DOCK8: variants seen among roughly 807,000 people sequenced by gnomAD.
DOCK8 encodes the protein dedicator of cytokinesis protein 8.
A neutral mutation model predicts 245.6 loss-of-function variants in DOCK8; 141 were observed. The ratio of observed to expected loss-of-function variants is 0.57; its 90% confidence interval spans 0.50 to 0.66. The LOEUF (loss-of-function observed/expected upper bound fraction) is 0.66, where lower values mean the gene tolerates loss of function less well. DOCK8 is among the 30% of genes least tolerant of loss of function. The pLI is 0.00. For missense variants in DOCK8, 2,965 were observed against 2,603.4 expected, an observed-to-expected ratio of 1.14 and a Z score of -3.02; for synonymous variants, 1,168 against 970.2, an observed-to-expected ratio of 1.20 and a Z score of -3.79.
At chr9:399,874 C>A (rs1006812720) in intron 26 of DOCK8, among the ~76,000 whole-genome samples, 14 of 151,892 alleles carry the variant, frequency 9.2e-5, no homozygotes, top group Non-Finnish European at 1.5e-4. Context: ...TCCTCTCCTT[C>A]CATATCCCTA....
chr9:339,975 G>A (rs1013804448), intron 13 of DOCK8, among the ~76,000 whole-genome samples, 184 bp from the exon 14 acceptor site: 1 of 152,126 alleles, frequency 6.6e-6, no homozygotes, highest in Non-Finnish European at 1.5e-5. Flanking sequence ...ATTTTATAGA[G>A]GCTAAATCTC....
At chr9:316,949 C>T in intron 6 of DOCK8, 94 bp from the exon 7 acceptor site, 3 of 972,764 alleles carry the variant, frequency 3.1e-6, no homozygotes, top group Non-Finnish European at 5.0e-6. Context: ...TTAACTTGAG[C>T]CGTGGAGGGT....
chr9:458,870 C>G (rs893058726), intron 46 of DOCK8, among the ~76,000 whole-genome samples: 1 of 152,144 alleles, frequency 6.6e-6, no homozygotes, highest in African/African-American at 2.4e-5. Context: ...ACTACTCTCT[C>G]TGTAGGAGAC....
chr9:371,535 G>C lies in DOCK8; in HGVS notation c.1976G>C (p.Gly659Ala). Residue 659 changes from glycine to alanine, a missense_variant, in exon 17 of 48, where the codon GGA becomes GCA. Gly to Ala is a moderately conservative substitution (Grantham distance 60). Transcript: ENST00000432829. ...FYHISCQQKQ[G>A]ASVETLLGYS... ...CATATCAGCTGTCAGCAGAAGCAAG[G>C]AGCCTCCGTGGAAACTCTCCTGGGA... 6.2e-7 allele frequency: 1 copy of C among 1,614,190 alleles called. No individual in the cohort carries two copies. The highest frequency in any genetic ancestry group is 8.5e-7 in the Non-Finnish European group (1 of 1,180,026).
rs1304120047 is a variant in DOCK8, at chr9:325,705, A to G, written c.862A>G (p.Ile288Val). 9.3e-6 allele frequency: 15 copies of G among 1,613,970 alleles called. No individual in the cohort carries two copies. The Admixed American group carries it at 1.8e-4, about 20-fold the overall frequency. Residue 288 changes from isoleucine (I) to valine (V), a missense_variant, in exon 8 of 48, where the codon ATT becomes GTT. Ile to Val is a conservative substitution (Grantham distance 29, BLOSUM62 3). Around this residue, in one of 3 missense-constraint regions of DOCK8, gnomAD observed 2,825 missense variants for 2,453.5 expected, o/e 1.15. Transcript: ENST00000432829. ...TGAAATTGAGCCCCTGTTTGCCAGC[A>G]TTGCCCTCTACGATGTTAAAGAAAG... The part of the protein sequence containing the change: ...EIEIEPLFAS[I>V]ALYDVKERKK...
rs1444267390 is a variant in DOCK8 at position 371,497 on chromosome 9, G to A, written c.1938G>A (p.Leu646=). The A allele has an allele frequency of 1.2e-6, 2 of 1,614,190 alleles. No homozygotes were observed. The highest frequency in any genetic ancestry group is 1.7e-6 in the Non-Finnish European group (2 of 1,180,030). The part of the protein sequence containing the change: ...PAKLTVNHHL[L]FTFYHISCQQ... Reference sequence around the variant, plus strand: ...AGCTCACAGTAAATCACCACCTCCTGTTCACCTTCTACCATATCAGCTGTC... The same window carrying A: ...AGCTCACAGTAAATCACCACCTCCTATTCACCTTCTACCATATCAGCTGTC... The change falls in exon 17 of 48, where the codon CTG becomes CTA. Residue 646 remains leucine, a synonymous_variant. Coordinates refer to ENST00000432829, the MANE Select transcript of DOCK8 (RefSeq NM_203447.4).
intron 8 of DOCK8, 89 bp from the exon 9 acceptor site, chr9:327,933 T>C (rs2050837483): frequency 1.5e-6 from 2 of 1,297,644 alleles, no homozygotes; most frequent in Non-Finnish European, 2.2e-6. Context: ...CAGCAAAATT[T>C]CTCTGTGGTG....
chr9:308,732 A>G (rs2049962557), intron 5 of DOCK8, among the ~76,000 whole-genome samples: 1 of 152,154 alleles, frequency 6.6e-6, no homozygotes, highest in South Asian at 2.1e-4. Flanking sequence ...ATCTTGGCTC[A>G]CTGCAACCCC....
intron 28 of DOCK8, among the ~76,000 whole-genome samples, chr9:407,960 G>A (rs1156407192): frequency 6.6e-6 from 1 of 152,100 alleles, no homozygotes; most frequent in Non-Finnish European, 1.5e-5. Context: ...AGAATTGCAG[G>A]AACTTGCCCA....
At position 377,220 on chromosome 9, in the gene DOCK8, C is replaced by G. The variant is rs1307258514; in HGVS notation, c.2440+9C>G. 2.5e-6 allele frequency: 4 copies of G among 1,572,718 alleles called. No individual in the cohort carries two copies. The highest frequency in any genetic ancestry group is 3.4e-6 in the Non-Finnish European group (4 of 1,164,842). On this transcript the variant is annotated intron_variant, in intron 20 of 47. Transcript: ENST00000432829. ...CATCGCTGGCCAGACAGGTATGAAC[C>G]TGCAGGGCTGGGCTGGGAGGAGGCA...
Position 446,496 on chromosome 9 carries a change from G to A in DOCK8, c.5707G>A (p.Gly1903Arg). Reference sequence around the variant, plus strand: ...GTACACCACCCCGTTCACCCTGGAGGGGCGGCCTCGGGGAGAGCTGCATGA... The same window carrying A: ...GTACACCACCCCGTTCACCCTGGAGAGGCGGCCTCGGGGAGAGCTGCATGA... ...FMYTTPFTLE[G>R]RPRGELHEQY... The change falls in exon 44 of 48, where the codon GGG becomes AGG. Residue 1903 changes from glycine to arginine, a missense_variant. Physicochemically the swap from Gly to Arg is moderately radical, Grantham distance 125. This residue lies in a region of DOCK8 where 2,825 missense variants were observed against 2,453.5 expected (regional missense o/e 1.15). Transcript: ENST00000432829. 6.2e-7 allele frequency: 1 copy of A among 1,614,202 alleles called. No homozygotes were observed. The highest frequency in any genetic ancestry group is 8.5e-7 in the Non-Finnish European group (1 of 1,180,026).
chr9:452,764 C>T (rs1186846511), intron 46 of DOCK8: 1 of 152,278 alleles, frequency 6.6e-6, no homozygotes, highest in Non-Finnish European at 1.5e-5. Context: ...TATCCTGTGA[C>T]AGTTCCCCAT....
chr9:234,886 T>C (rs1259713639), intron 1 of DOCK8, among the ~76,000 whole-genome samples: 1 of 152,230 alleles, frequency 6.6e-6, no homozygotes, highest in Non-Finnish European at 1.5e-5. Context: ...TGAAGCCTTC[T>C]TCTCTCAACT....
In DOCK8 at chr9:439,393, G is replaced by A; in HGVS notation, c.5223+5G>A. The A allele has an allele frequency of 6.2e-7, 1 of 1,612,664 alleles. No individual in the cohort carries two copies. The highest frequency in any genetic ancestry group is 8.5e-7 in the Non-Finnish European group (1 of 1,180,006). On this transcript the variant is annotated splice_donor_5th_base_variant and intron_variant, in intron 40 of 47. Transcript: ENST00000432829. ...GCCGCGGAGCTCTTCAGCACGGTCA[G>A]TGCCCAGAGGGCATCCCGGGGCCTG...
intron 1 of DOCK8, among the ~76,000 whole-genome samples, chr9:254,418 C>T (rs530882437): frequency 6.6e-6 from 1 of 152,212 alleles, no homozygotes; most frequent in Non-Finnish European, 1.5e-5. Flanking sequence ...AATTATTCAG[C>T]AGGTATAGTC....
chr9:427,091 T>C, intron 34 of DOCK8, 110 bp downstream of exon 34: 1 of 911,948 alleles, frequency 1.1e-6, no homozygotes, highest in Non-Finnish European at 1.7e-6. Flanking sequence ...CCATAGTACC[T>C]TTTTTAAAAA....
chr9:358,156 C>T (rs2052536841), intron 14 of DOCK8, among the ~76,000 whole-genome samples: 2 of 152,150 alleles, frequency 1.3e-5, no homozygotes, highest in African/African-American at 4.8e-5. Flanking sequence ...ATGATCATAG[C>T]TCACTGCAGC....
intron 24 of DOCK8, among the ~76,000 whole-genome samples, chr9:391,875 A>C (rs1489834932): frequency 7.3e-6 from 1 of 137,632 alleles, no homozygotes; most frequent in African/African-American, 2.8e-5. Context: ...GTGGTGGCTC[A>C]CACTTGTAAT....
At chr9:234,795 C>G (rs1003252167) in intron 1 of DOCK8, among the ~76,000 whole-genome samples, 2 of 148,928 alleles carry the variant, frequency 1.3e-5, no homozygotes, top group South Asian at 4.4e-4. Flanking sequence ...GTTATCCATT[C>G]GTCTATTTTT....
Sources: gnomAD v4.1 joint callset for allele counts (sites outside exome capture counted in the v4.1 genomes callset) on GRCh38, gnomAD v4.1.1 for gene constraint, gnomAD v4.1.1 regional missense constraint, MANE v1.5 for transcripts, NCBI Gene and HGNC (gene_info 2026-07-23, HGNC 2026-07-21) for gene names.